Variants in FER observed in about 807,000 individuals in gnomAD.
The protein encoded by FER is FER tyrosine kinase.
FER carries 63 observed loss-of-function variants against 111.0 expected under a neutral mutation model. That is an observed-to-expected ratio of 0.57 (90% confidence interval 0.46 to 0.70). The LOEUF (loss-of-function observed/expected upper bound fraction) is 0.70. FER is among the 30% of genes least tolerant of loss of function. FER has a pLI of 0.00. For missense variants in FER, 914 were observed against 954.0 expected (o/e 0.96, Z 0.55); for synonymous variants, 327 against 313.9 (o/e 1.04, Z -0.44).
At chr5:108,948,200 C>T (rs1367943752) in intron 11 of FER, among the ~76,000 whole-genome samples, 3 of 151,914 alleles carry the variant, frequency 2.0e-5, no homozygotes, top group Non-Finnish European at 4.4e-5. Context: ...AACGATTTAC[C>T]TCTGTTTTTA....
chr5:109,000,658 C>T (rs1484968429), intron 13 of FER, among the ~76,000 whole-genome samples: 4 of 151,850 alleles, frequency 2.6e-5, no homozygotes, highest in African/African-American at 9.7e-5. Context: ...AAGATCAGAG[C>T]AGAACTGAAG....
chr5:109,074,472 A>G (rs1442235441), intron 16 of FER, among the ~76,000 whole-genome samples: 1 of 152,202 alleles, frequency 6.6e-6, no homozygotes, highest in Non-Finnish European at 1.5e-5. Flanking sequence ...AATAAACTCT[A>G]CCACATTCGT....
At chr5:109,005,708 T>A (rs1187115153) in intron 13 of FER, among the ~76,000 whole-genome samples, 2 of 152,208 alleles carry the variant, frequency 1.3e-5, no homozygotes, top group East Asian at 1.9e-4. Flanking sequence ...TGCACACCAA[T>A]GAAAGCATAC....
At chr5:109,010,652 C>G (rs1018345257) in intron 13 of FER, among the ~76,000 whole-genome samples, 24 of 152,210 alleles carry the variant, frequency 1.6e-4, no homozygotes, top group African/African-American at 5.1e-4. Flanking sequence ...GGATTTATAT[C>G]TTGATCCCCG....
intron 8 of FER, among the ~76,000 whole-genome samples, chr5:108,877,301 AAG>A (rs1295990590): frequency 6.6e-6 from 1 of 152,196 alleles, no homozygotes; most frequent in Non-Finnish European, 1.5e-5. Flanking sequence ...GTGAGTTGGA[AAG>A]ATTTGGAAAA....
At chr5:109,138,522 A>G (rs189362092) in intron 17 of FER, among the ~76,000 whole-genome samples, 31 of 152,350 alleles carry the variant, frequency 2.0e-4, no homozygotes, top group South Asian at 8.3e-4. Flanking sequence ...AGTTTAAAAT[A>G]TAAAAGAAAA....
chr5:109,157,820 T>G (rs1755562965), intron 17 of FER, among the ~76,000 whole-genome samples: 1 of 152,162 alleles, frequency 6.6e-6, no homozygotes, highest in Non-Finnish European at 1.5e-5. Context: ...TGAGAACTAC[T>G]GTATAGCAGC....
intron 2 of FER, among the ~76,000 whole-genome samples, chr5:108,795,482 A>T (rs1755914739): frequency 6.6e-6 from 1 of 151,402 alleles, no homozygotes; most frequent in South Asian, 2.1e-4. Flanking sequence ...TCTGAAAAAA[A>T]AGAAAAAATT....
intron 13 of FER, among the ~76,000 whole-genome samples, chr5:108,989,625 G>A (rs181500067): frequency 2.0e-5 from 3 of 151,660 alleles, no homozygotes; most frequent in East Asian, 1.9e-4. Context: ...TTACATATGT[G>A]TATTTTTTCT....
At position 109,058,724 on chromosome 5, in the gene FER, C is replaced by CTTTTTTTTT. The variant is rs746184286; in HGVS notation, c.1924+11544_1924+11552dup. On this transcript the variant is annotated intron_variant, in intron 16 of 19. Coordinates refer to ENST00000281092, the MANE Select transcript of FER (RefSeq NM_005246.4). ...TCTTTTTCTTTTTCTTTCTTTCTTT[C>CTTTTTTTTT]TTTTTTTTTTTTTTTTTTTTTTTTT... is the stretch of plus-strand genomic sequence containing the variant. 5.3e-3 allele frequency among the ~76,000 whole-genome samples: 404 copies of CTTTTTTTTT among 76,290 alleles called. 11 individuals are homozygous for CTTTTTTTTT. The highest frequency in any genetic ancestry group is 0.012 in the Middle Eastern group (1 of 86). The allele number at this position is 76,290 out of a possible 152,430, so 50.0% of individuals were successfully genotyped here. A position where few individuals can be genotyped will look rare whatever the true frequency, so the allele number is the denominator to read the frequency against.
chr5:108,897,253 T>C (rs907614129), intron 9 of FER, among the ~76,000 whole-genome samples: 1 of 152,178 alleles, frequency 6.6e-6, no homozygotes, highest in Admixed American at 6.6e-5. Flanking sequence ...TTTATTTATT[T>C]TACCCTAGGC....
At chr5:109,053,821 G>T (rs1009306977) in intron 16 of FER, among the ~76,000 whole-genome samples, 1 of 151,224 alleles carries the variant, frequency 6.6e-6, no homozygotes, top group African/African-American at 2.4e-5. Flanking sequence ...CTCCCGAGTA[G>T]CTGGGACTAC....
At chr5:108,906,370 G>A (rs1750762117) in intron 10 of FER, among the ~76,000 whole-genome samples, 1 of 151,974 alleles carries the variant, frequency 6.6e-6, no homozygotes, top group Non-Finnish European at 1.5e-5. Context: ...TTAATTTTTA[G>A]ATGATAGGTA....
chr5:108,873,545 A>G (rs7723765), intron 8 of FER, among the ~76,000 whole-genome samples: 2 of 152,302 alleles, frequency 1.3e-5, no homozygotes, highest in African/African-American at 4.8e-5. Flanking sequence ...TAATTATGGC[A>G]TACTGACTAC....
At chr5:108,782,285 G>A (rs1488793651) in intron 2 of FER, among the ~76,000 whole-genome samples, 2 of 139,980 alleles carry the variant, frequency 1.4e-5, no homozygotes, top group Non-Finnish European at 3.1e-5. Flanking sequence ...TGACTTCCAA[G>A]TATTTTTTTT....
rs796409137 is a variant in FER at position 109,166,134 on chromosome 5, C to CT, written c.2049-14602dup. On this transcript the variant is annotated intron_variant, in intron 17 of 19. Coordinates refer to ENST00000281092, the MANE Select transcript of FER (RefSeq NM_005246.4). ...CTCATCCTGCTAGCCATGAGATTTT[C>CT]TTTTTTTTTTTCATTTTCTCATGTT... Among the ~76,000 whole-genome samples, 505 of 144,520 alleles carry CT rather than the reference C, an allele frequency of 3.5e-3. 2 individuals are homozygous for CT. Among genetic ancestry groups the CT allele is most frequent in the Non-Finnish European group, 3.8e-3 (248 of 65,296 alleles). 94.8% of individuals were successfully genotyped at this position (144,520 alleles called of 152,430 possible).
chr5:109,165,641 T>C (rs938738202), intron 17 of FER, among the ~76,000 whole-genome samples: 11 of 101,898 alleles, frequency 1.1e-4, no homozygotes, highest in South Asian at 5.8e-4. Context: ...TGTGTGTGTA[T>C]ACACACATAT....
intron 2 of FER, among the ~76,000 whole-genome samples, chr5:108,775,086 G>T (rs1029073766): frequency 6.6e-6 from 1 of 152,056 alleles, no homozygotes; most frequent in Admixed American, 6.6e-5. Flanking sequence ...TAAGGAAGTG[G>T]TCCAGTTTCA....
chr5:108,808,727 CGTT>C (rs1757450301), intron 3 of FER, among the ~76,000 whole-genome samples: 1 of 151,950 alleles, frequency 6.6e-6, no homozygotes, highest in Non-Finnish European at 1.5e-5. Context: ...CAGGTATTTT[CGTT>C]GTTGTTGTTT....
Sources: allele counts gnomAD v4.1 joint callset (sites outside exome capture counted in the v4.1 genomes callset), GRCh38; gene constraint gnomAD v4.1.1; transcripts MANE v1.5; gene names NCBI Gene and HGNC (gene_info 2026-07-23, HGNC 2026-07-21).